The following CREB5 variants were observed in gnomAD, a reference collection of about 807,000 sequenced individuals.
CREB5 encodes cyclic AMP-responsive element-binding protein 5.
Under a neutral mutation model 57.1 loss-of-function variants are expected in CREB5, and 19 were observed. The ratio of observed to expected loss-of-function variants is 0.33; its 90% CI spans 0.23 to 0.49. CREB5 has a LOEUF of 0.49. Ranked by LOEUF, CREB5 falls within the 20% of genes least tolerant of loss-of-function variation. CREB5 has a pLI of 0.99. For missense variants in CREB5, 579 were observed against 671.6 expected, an observed-to-expected ratio of 0.86 and a Z score of 1.52; for synonymous variants, 238 against 238.3, an observed-to-expected ratio of 1.00 and a Z score of 0.01.
chr7:28,743,544 A>C (rs1804498222), intron 7 of CREB5, among the ~76,000 whole-genome samples: 1 of 152,318 alleles, frequency 6.6e-6, no homozygotes, highest in South Asian at 2.1e-4. Flanking sequence ...AAAATAAAAA[A>C]GAAAGAAAAC....
chr7:28,780,462 C>T (rs915065067), intron 7 of CREB5, among the ~76,000 whole-genome samples: 8 of 152,136 alleles, frequency 5.3e-5, no homozygotes, highest in African/African-American at 1.9e-4. Flanking sequence ...TGGCTCATGC[C>T]TGTAATCCCA....
At chr7:28,560,823 C>CGTGTGTGT (rs1442862711) in intron 4 of CREB5, among the ~76,000 whole-genome samples, 42 of 34,338 alleles carry the variant, frequency 1.2e-3, no homozygotes, top group African/African-American at 3.8e-3. Context: ...TGTGTGTGTG[C>CGTGTGTGT]GCGCGCGCGC....
chr7:28,620,332 T>G (rs1464601503), intron 5 of CREB5, among the ~76,000 whole-genome samples: 1 of 152,212 alleles, frequency 6.6e-6, no homozygotes, highest in Non-Finnish European at 1.5e-5. Flanking sequence ...CTTCTATAAC[T>G]AAATCCATTT....
intron 1 of CREB5, among the ~76,000 whole-genome samples, chr7:28,363,235 C>G (rs1364251154): frequency 6.6e-6 from 1 of 152,170 alleles, no homozygotes; most frequent in Non-Finnish European, 1.5e-5. Context: ...CTTCCCCTGT[C>G]TTTCCCTAAC....
At chr7:28,354,029 T>C (rs560444569) in intron 1 of CREB5, among the ~76,000 whole-genome samples, 2 of 152,196 alleles carry the variant, frequency 1.3e-5, no homozygotes, top group South Asian at 2.1e-4. Context: ...AGGAAGTCAT[T>C]TGGAATTTTT....
intron 2 of CREB5, among the ~76,000 whole-genome samples, chr7:28,489,819 G>T (rs549600759): frequency 6.6e-6 from 1 of 152,156 alleles, no homozygotes; most frequent in Middle Eastern, 3.2e-3. Context: ...AAATTATTTT[G>T]AAGCAAACTG....
intron 1 of CREB5, among the ~76,000 whole-genome samples, chr7:28,341,669 A>T (rs770422835): frequency 1.3e-5 from 2 of 152,216 alleles, no homozygotes; most frequent in Non-Finnish European, 2.9e-5. Flanking sequence ...GCAACGTAAG[A>T]TGTACCCAAT....
At chr7:28,674,717 T>C (rs1800235503) in intron 5 of CREB5, among the ~76,000 whole-genome samples, 1 of 152,250 alleles carries the variant, frequency 6.6e-6, no homozygotes, top group Non-Finnish European at 1.5e-5. Flanking sequence ...GTATCACTAC[T>C]CATCCAGACT....
At chr7:28,609,831 A>C (rs1299658677) in intron 5 of CREB5, among the ~76,000 whole-genome samples, 2 of 152,246 alleles carry the variant, frequency 1.3e-5, no homozygotes, top group South Asian at 2.1e-4. Context: ...GTGGAGGATG[A>C]TGTTAGAGAG....
chr7:28,338,637 C>T (rs1308439913), intron 1 of CREB5, among the ~76,000 whole-genome samples: 1 of 152,198 alleles, frequency 6.6e-6, no homozygotes, highest in East Asian at 1.9e-4. Context: ...TCTATAACCT[C>T]TTGAATTTGA....
rs1803204713 is a variant in CREB5 at position 28,724,240 on chromosome 7, G to T, written c.610G>T (p.Val204Leu). Residue 204 changes from valine (V) to leucine (L), a missense_variant, in exon 7 of 11, where the codon GTG (valine) becomes TTG (leucine). Coordinates refer to ENST00000357727, the MANE Select transcript of CREB5 (RefSeq NM_182898.4). ...CTCTTAGATGGAGCGACAAATGTCA[G>T]TGAACTCCAGCATCATGGGGATGCA... ...VLMPMERQMS[V>L]NSSIMGMQGP... 1 of 1,613,046 alleles carries T rather than the reference G, an allele frequency of 6.2e-7. No homozygotes were observed. The highest frequency in any genetic ancestry group is 1.1e-5 in the South Asian group (1 of 91,042).
rs778124388 is a variant in CREB5, at chr7:28,804,512, A to T, written c.1016A>T (p.Asn339Ile). ...TSPHPPLHTG[N>I]QAQVSPATQQ... Reference sequence around the variant, plus strand: ...CCACATCCGCCCCTGCACACCGGCAACCAAGCACAGGTAGACCTTTTCCGT... The same window carrying T: ...CCACATCCGCCCCTGCACACCGGCATCCAAGCACAGGTAGACCTTTTCCGT... The change falls in exon 8 of 11, where the codon AAC becomes ATC. Residue 339 changes from asparagine (N) to isoleucine (I), a missense_variant. Physicochemically the swap from Asn to Ile is moderately radical, Grantham distance 149. Transcript: ENST00000357727. 7 of 1,613,854 alleles carry T rather than the reference A, an allele frequency of 4.3e-6. No homozygotes were observed. The South Asian group carries it at 7.7e-5, about 18-fold the overall frequency.
At chr7:28,547,561 C>T (rs1794467668) in intron 4 of CREB5, among the ~76,000 whole-genome samples, 1 of 152,192 alleles carries the variant, frequency 6.6e-6, no homozygotes, top group African/African-American at 2.4e-5. Flanking sequence ...GAAGGATAAT[C>T]TGCTTTATTC....
chr7:28,348,933 C>G (rs1348287157), intron 1 of CREB5, among the ~76,000 whole-genome samples: 1 of 152,182 alleles, frequency 6.6e-6, no homozygotes, highest in Non-Finnish European at 1.5e-5. Flanking sequence ...CTGATTTTGG[C>G]CTAGCTCTTG....
chr7:28,301,563 G>T (rs1160161142), intron 1 of CREB5, among the ~76,000 whole-genome samples: 1 of 152,156 alleles, frequency 6.6e-6, no homozygotes, highest in Admixed American at 6.5e-5. Flanking sequence ...TCCAACCCCG[G>T]ATATACTGAA....
At chr7:28,605,941 G>A (rs1385592865) in intron 5 of CREB5, among the ~76,000 whole-genome samples, 1 of 152,198 alleles carries the variant, frequency 6.6e-6, no homozygotes, top group East Asian at 1.9e-4. Context: ...TTTTTATCAT[G>A]CTGGTGGTTT....
intron 7 of CREB5, among the ~76,000 whole-genome samples, chr7:28,761,187 G>A (rs1199150820): frequency 1.3e-5 from 2 of 152,296 alleles, no homozygotes; most frequent in South Asian, 2.1e-4. Context: ...AAATAAATGA[G>A]CATATGCCCA....
chr7:28,360,026 A>G (rs191541844), intron 1 of CREB5, among the ~76,000 whole-genome samples: 1 of 152,362 alleles, frequency 6.6e-6, no homozygotes, highest in East Asian at 1.9e-4. Flanking sequence ...ACCATGAGGT[A>G]TCATCTCATA....
At chr7:28,593,352 G>A (rs577778040) in intron 5 of CREB5, among the ~76,000 whole-genome samples, 3 of 152,226 alleles carry the variant, frequency 2.0e-5, no homozygotes, top group Admixed American at 6.5e-5. Flanking sequence ...GGGTTCAAGC[G>A]GTTCTCCTGC....
Sources: allele counts gnomAD v4.1 joint callset (sites outside exome capture counted in the v4.1 genomes callset), GRCh38; gene constraint gnomAD v4.1.1; transcripts MANE v1.5; gene names NCBI Gene and HGNC (gene_info 2026-07-23, HGNC 2026-07-21).